CAV1: variants seen among roughly 807,000 people sequenced by gnomAD.
The protein encoded by CAV1 is caveolin-1.
Under a neutral mutation model 16.5 loss-of-function variants are expected in CAV1, and 10 were observed. The ratio of observed to expected loss-of-function variants is 0.61; its 90% CI spans 0.37 to 1.03. CAV1 has a LOEUF of 1.03. Ranked by LOEUF, CAV1 falls within the 50% of genes least tolerant of loss-of-function variation. The probability of loss-of-function intolerance (pLI) is 0.01; values close to 1 mark genes in which losing one functional copy is unlikely to be tolerated. For synonymous variants in CAV1, 76 were observed against 85.1 expected (o/e 0.89, Z 0.59); for missense variants, 212 against 232.8 (o/e 0.91, Z 0.58).
rs1387061469 is a variant in CAV1, at chr7:116,534,360, C to CAG, written c.195+7673_195+7674dup. Among the ~76,000 whole-genome samples, 223 of 78,748 alleles carry CAG rather than the reference C, an allele frequency of 2.8e-3. 2 individuals are homozygous for CAG. The highest frequency in any genetic ancestry group is 3.9e-3 in the Non-Finnish European group (158 of 40,772). 51.7% of individuals were successfully genotyped at this position (78,748 alleles called of 152,430 possible). A position where few individuals can be genotyped will look rare whatever the true frequency, so the allele number is the denominator to read the frequency against. ...CAAATACAGATGCCTGGGCCCACCT[C>CAG]AGATATATATATATATATATATATA... is the stretch of plus-strand genomic sequence containing the variant. On this transcript the variant is annotated intron_variant, in intron 2 of 2. Transcript: ENST00000341049.
chr7:116,534,362 GATATAT>G lies in CAV1; in HGVS notation c.195+7702_195+7707del, dbSNP rs1181031913. Among the ~76,000 whole-genome samples the G allele has an allele frequency of 8.5e-3, 360 of 42,568 alleles. 11 individuals are homozygous for G. The highest frequency in any genetic ancestry group is 0.024 in the African/African-American group (319 of 13,248). The allele number at this position is 42,568 out of a possible 152,430, so 27.9% of individuals were successfully genotyped here. On this transcript the variant is annotated intron_variant, in intron 2 of 2. Coordinates refer to ENST00000341049, the MANE Select transcript of CAV1 (RefSeq NM_001753.5). The stretch of plus-strand genomic sequence containing the variant: ...AATACAGATGCCTGGGCCCACCTCA[GATATAT>G]ATATATATATATATATATATATATA...
At position 116,559,072 on chromosome 7, in the gene CAV1, G is replaced by A; in HGVS notation, c.322G>A (p.Gly108Ser). ...WFYRLLSALF[G>S]IPMALIWGIY... ...TTACCGCTTGCTGTCTGCCCTCTTT[G>A]GCATCCCGATGGCACTCATCTGGGG... The change falls in exon 3 of 3, where the codon GGC becomes AGC. Residue 108 changes from glycine to serine, a missense_variant. Transcript: ENST00000341049. 1.2e-6 allele frequency: 2 copies of A among 1,613,822 alleles called. No homozygotes were observed. The highest frequency in any genetic ancestry group is 1.7e-6 in the Non-Finnish European group (2 of 1,179,912).
intron 2 of CAV1, among the ~76,000 whole-genome samples, chr7:116,549,860 T>C (rs2116059205): frequency 6.6e-6 from 1 of 152,294 alleles, no homozygotes; most frequent in Non-Finnish European, 1.5e-5. Context: ...ACACAGACCT[T>C]GCCCTAAGTC....
At chr7:116,533,007 T>C (rs558049320) in intron 2 of CAV1, among the ~76,000 whole-genome samples, 1 of 152,218 alleles carries the variant, frequency 6.6e-6, no homozygotes, top group Non-Finnish European at 1.5e-5. Flanking sequence ...TTTGAGCTTA[T>C]ATGTAGGGAG....
At chr7:116,531,680 T>G (rs1258419142) in intron 2 of CAV1, among the ~76,000 whole-genome samples, 1 of 152,262 alleles carries the variant, frequency 6.6e-6, no homozygotes, top group Admixed American at 6.5e-5. Context: ...GCTGGTGCGC[T>G]GCACCCACTA....
intron 2 of CAV1, among the ~76,000 whole-genome samples, chr7:116,541,508 T>A (rs1030767402): frequency 2.0e-5 from 3 of 152,124 alleles, no homozygotes; most frequent in African/African-American, 7.2e-5. Context: ...CCCAGCACTT[T>A]GGGAGGCCAA....
At chr7:116,551,618 T>A (rs575655513) in intron 2 of CAV1, among the ~76,000 whole-genome samples, 1 of 152,264 alleles carries the variant, frequency 6.6e-6, no homozygotes, top group African/African-American at 2.4e-5. Context: ...AAGTGGTTTG[T>A]TTTGGAATTA....
intron 2 of CAV1, among the ~76,000 whole-genome samples, chr7:116,539,947 C>G (rs1793903335): frequency 6.6e-6 from 1 of 152,164 alleles, no homozygotes; most frequent in African/African-American, 2.4e-5. Context: ...TTGAACCCCC[C>G]ATCTATCCCC....
At chr7:116,530,418 A>G (rs1386127049) in intron 2 of CAV1, among the ~76,000 whole-genome samples, 1 of 152,200 alleles carries the variant, frequency 6.6e-6, no homozygotes, top group Non-Finnish European at 1.5e-5. Context: ...TCAAAAGTAA[A>G]TACAGTAGTG....
intron 1 of CAV1, chr7:116,526,302 AG>A: frequency 1.4e-6 from 2 of 1,380,514 alleles, no homozygotes; most frequent in Admixed American, 2.5e-5. Flanking sequence ...CAGAGTACAG[AG>A]GGGTGTGGTG....
chr7:116,537,429 C>A (rs1241587031), intron 2 of CAV1, among the ~76,000 whole-genome samples: 1 of 152,102 alleles, frequency 6.6e-6, no homozygotes, highest in African/African-American at 2.4e-5. Context: ...TTACTGACAC[C>A]TCCAATGGCC....
chr7:116,558,303 C>T (rs575142535), intron 2 of CAV1, among the ~76,000 whole-genome samples: 42 of 152,262 alleles, frequency 2.8e-4, no homozygotes, highest in Non-Finnish European at 4.7e-4. Context: ...GGGGGTTTTA[C>T]TTTAAGTCAA....
At chr7:116,548,902 G>T (rs1378821886) in intron 2 of CAV1, among the ~76,000 whole-genome samples, 1 of 152,086 alleles carries the variant, frequency 6.6e-6, no homozygotes, top group Non-Finnish European at 1.5e-5. Flanking sequence ...CCCGTAAAAG[G>T]CTCTTGCCTT....
At chr7:116,525,796 A>T in intron 1 of CAV1, 2 of 1,041,196 alleles carry the variant, frequency 1.9e-6, no homozygotes. Context: ...GGGTCGGGGG[A>T]GCTGCGCAGG....
chr7:116,551,937 G>C (rs766436998), intron 2 of CAV1: 1 of 153,282 alleles, frequency 6.5e-6, no homozygotes, highest in African/African-American at 2.4e-5. Context: ...TTTCCACATG[G>C]GCCTCTCCAC....
At chr7:116,541,719 A>G (rs1383390797) in intron 2 of CAV1, among the ~76,000 whole-genome samples, 1 of 150,030 alleles carries the variant, frequency 6.7e-6, no homozygotes, top group Non-Finnish European at 1.5e-5. Flanking sequence ...GTGCCACTGC[A>G]TGACAGCCTG....
chr7:116,548,373 T>A (rs1261154158), intron 2 of CAV1, among the ~76,000 whole-genome samples: 1 of 152,236 alleles, frequency 6.6e-6, no homozygotes, highest in East Asian at 1.9e-4. Flanking sequence ...GTCAGTCAAA[T>A]GCCCAGGGGC....
chr7:116,542,047 G>A (rs760622334), intron 2 of CAV1, among the ~76,000 whole-genome samples: 3 of 152,136 alleles, frequency 2.0e-5, no homozygotes, highest in South Asian at 2.1e-4. Context: ...TTGATGTGGC[G>A]TTGTTTCAAT....
intron 1 of CAV1, chr7:116,525,866 C>G (rs1040542452): frequency 1.0e-6 from 1 of 987,132 alleles, no homozygotes. Context: ...AAAATGGGGA[C>G]TTTCGGGATT....
Sources: allele counts gnomAD v4.1 joint callset (sites outside exome capture counted in the v4.1 genomes callset), GRCh38; gene constraint gnomAD v4.1.1; transcripts MANE v1.5; gene names NCBI Gene and HGNC (gene_info 2026-07-23, HGNC 2026-07-21).